The following COBL variants were observed in gnomAD, a reference collection of about 807,000 sequenced individuals.
The protein encoded by COBL is protein cordon-bleu.
In COBL, 51 loss-of-function variants were observed where a neutral mutation model predicts 98.8. That is an observed-to-expected ratio of 0.52 (90% CI 0.41 to 0.65). The LOEUF is 0.65. COBL is among the 30% of genes least tolerant of loss of function. The pLI, the probability that COBL is intolerant of heterozygous loss-of-function variation, is 0.00. For missense variants in COBL, 1,617 were observed against 1,617.5 expected (o/e 1.00, Z 0.01); for synonymous variants, 634 against 651.7 (o/e 0.97, Z 0.41).
Position 51,029,161 on chromosome 7 carries a change from T to C in COBL, c.1935A>G (p.Ala645=). 6.2e-7 allele frequency: 1 copy of C among 1,614,204 alleles called. No homozygotes were observed. The highest frequency in any genetic ancestry group is 1.3e-5 in the African/African-American group (1 of 75,058). The change falls in exon 10 of 13, where the codon GCA becomes GCG. Residue 645 remains alanine, a synonymous_variant. Coordinates refer to ENST00000265136, the MANE Select transcript of COBL (RefSeq NM_015198.5). Reference sequence around the variant, plus strand: ...AGCCATACACTTTGTCTTTCACTTTTGCATTTAGGTTGTCTGTGTGAAGAT... The same window carrying C: ...AGCCATACACTTTGTCTTTCACTTTCGCATTTAGGTTGTCTGTGTGAAGAT... The part of the protein sequence containing the change: ...ASNLHTDNLN[A]KVKDKVYGCA...
At chr7:51,169,284 C>CCTT (rs1787626741) in intron 5 of COBL, among the ~76,000 whole-genome samples, 1 of 152,026 alleles carries the variant, frequency 6.6e-6, no homozygotes, top group African/African-American at 2.4e-5. Flanking sequence ...GTTGTTCTGC[C>CCTT]CTTCCAGATT....
At position 51,145,419 on chromosome 7, in the gene COBL, C is replaced by T. The variant is rs1310422410; in HGVS notation, c.784-9088G>A. ...TTCCGAGATGGAGTGTCACTCCTGT[C>T]GCCCAGGCTGGAGTGCAGTGGCACG... On this transcript the variant is annotated intron_variant, in intron 5 of 12. Transcript: ENST00000265136. 2.7e-5 allele frequency among the ~76,000 whole-genome samples: 4 copies of T among 148,778 alleles called. No homozygotes were observed. The East Asian group carries it at 7.9e-4, about 30-fold the overall frequency.
At position 51,016,903 on chromosome 7, in the gene COBL, T is replaced by A. The variant is rs1786336105; in HGVS notation, c.*648A>T. 2.5e-6 allele frequency: 1 copy of A among 399,356 alleles called. No individual in the cohort carries two copies. Among genetic ancestry groups the A allele is most frequent in the Admixed American group, 4.4e-5 (1 of 22,810 alleles). The allele number at this position is 399,356 out of a possible 1,614,324, so 24.7% of individuals were successfully genotyped here. On this transcript the variant is annotated 3_prime_UTR_variant, in exon 13 of 13. Transcript: ENST00000265136. ...TGATCACGTAGGACTGTTTTCTGGG[T>A]GGTAATAGTTGATTTTTAAAAGCTT...
intron 10 of COBL, among the ~76,000 whole-genome samples, chr7:51,026,901 A>C (rs1030604320): frequency 6.6e-6 from 1 of 151,724 alleles, no homozygotes; most frequent in East Asian, 1.9e-4. Flanking sequence ...CCGTCTCAGG[A>C]AAAAAAAAGA....
intron 6 of COBL, among the ~76,000 whole-genome samples, chr7:51,092,709 T>C (rs1794925344): frequency 6.6e-6 from 1 of 152,186 alleles, no homozygotes; most frequent in South Asian, 2.1e-4. Flanking sequence ...CATTTCGAAA[T>C]CAGGGAGTGT....
At chr7:51,265,669 A>G (rs975458) in intron 1 of COBL, among the ~76,000 whole-genome samples, 83,646 of 152,076 alleles carry the variant, frequency 0.55, 23,411 homozygotes, top group African/African-American at 0.65. Flanking sequence ...AAGAAGGGGC[A>G]GGTAGGTGGG....
chr7:51,226,583 T>G (rs1794223268), intron 1 of COBL, among the ~76,000 whole-genome samples: 1 of 151,946 alleles, frequency 6.6e-6, no homozygotes, highest in Admixed American at 6.6e-5. Flanking sequence ...AGTGAGTGAG[T>G]GAGGGAGTGA....
At chr7:51,292,983 G>A (rs192980362) in intron 1 of COBL, among the ~76,000 whole-genome samples, 219 of 152,316 alleles carry the variant, frequency 1.4e-3, no homozygotes, top group Middle Eastern at 6.8e-3. Flanking sequence ...AAACACATGT[G>A]ATGCGCCAAA....
chr7:51,050,770 A>C (rs757538771), intron 7 of COBL, among the ~76,000 whole-genome samples: 1 of 152,342 alleles, frequency 6.6e-6, no homozygotes, highest in African/African-American at 2.4e-5. Flanking sequence ...GCCCATAATA[A>C]AGATTAGTCT....
intron 6 of COBL, among the ~76,000 whole-genome samples, chr7:51,133,536 C>T (rs1240857973): frequency 2.0e-5 from 3 of 152,122 alleles, no homozygotes; most frequent in Non-Finnish European, 4.4e-5. Flanking sequence ...ACTGAATCAG[C>T]GCTCAGGTGG....
intron 5 of COBL, among the ~76,000 whole-genome samples, chr7:51,141,257 T>C (rs1799715994): frequency 6.6e-6 from 1 of 152,220 alleles, no homozygotes; most frequent in Admixed American, 6.5e-5. Flanking sequence ...ACATGGCTAT[T>C]GAGGAATTCA....
chr7:51,137,615 AAAGT>A (rs2129008232), intron 5 of COBL, among the ~76,000 whole-genome samples: 1 of 152,162 alleles, frequency 6.6e-6, no homozygotes, highest in Non-Finnish European at 1.5e-5. Flanking sequence ...TTCTTGGCAC[AAAGT>A]AAGTACCCAA....
intron 1 of COBL, among the ~76,000 whole-genome samples, chr7:51,241,999 C>T (rs962389003): frequency 6.6e-6 from 1 of 152,204 alleles, no homozygotes; most frequent in Non-Finnish European, 1.5e-5. Context: ...GGCTACTCCC[C>T]TTTCCTGCGT....
At chr7:51,187,961 G>A in intron 4 of COBL, 1 of 1,232,360 alleles carries the variant, frequency 8.1e-7, no homozygotes. Flanking sequence ...CAGACGAACT[G>A]GAAAAGGCAG....
chr7:51,260,234 T>C (rs1797597397), intron 1 of COBL: 3 of 605,586 alleles, frequency 5.0e-6, no homozygotes, highest in Admixed American at 3.0e-5. Flanking sequence ...ACTCACTCTA[T>C]CAAGACCATA....
chr7:51,062,654 G>A (rs6970066), intron 7 of COBL, among the ~76,000 whole-genome samples: 52,071 of 152,068 alleles, frequency 0.34, 12,204 homozygotes, highest in African/African-American at 0.66. Flanking sequence ...AAACGTGGGC[G>A]CTTGCTGATC....
intron 6 of COBL, among the ~76,000 whole-genome samples, chr7:51,085,725 G>C (rs1422467535): frequency 6.6e-6 from 1 of 152,172 alleles, no homozygotes; most frequent in African/African-American, 2.4e-5. Flanking sequence ...TCACACAGAG[G>C]AAGAGCTGAT....
At chr7:51,285,196 C>T (rs1027132656) in intron 1 of COBL, among the ~76,000 whole-genome samples, 2 of 152,156 alleles carry the variant, frequency 1.3e-5, no homozygotes, top group African/African-American at 4.8e-5. Context: ...CCACCCGCCT[C>T]AGCCTCCTAA....
At chr7:51,172,769 CTTTT>C (rs1021735942) in intron 5 of COBL, among the ~76,000 whole-genome samples, 1 of 152,026 alleles carries the variant, frequency 6.6e-6, no homozygotes, top group African/African-American at 2.4e-5. Flanking sequence ...TTCTTTCTTT[CTTTT>C]TTTCTTTCTT....
Sources: gnomAD v4.1 joint callset for allele counts (sites outside exome capture counted in the v4.1 genomes callset) on GRCh38, gnomAD v4.1.1 for gene constraint, MANE v1.5 for transcripts, NCBI Gene and HGNC (gene_info 2026-07-23, HGNC 2026-07-21) for gene names.